PTK2B: variants seen among roughly 807,000 people sequenced by gnomAD.
PTK2B encodes the protein protein-tyrosine kinase 2-beta.
Under a neutral mutation model 142.9 loss-of-function variants are expected in PTK2B, and 71 were observed. The observed-to-expected ratio is 0.50, with a 90% CI of 0.41 to 0.61. The LOEUF (loss-of-function observed/expected upper bound fraction) is 0.61, where lower values mean the gene tolerates loss of function less well. PTK2B is among the 20% of genes least tolerant of loss of function. PTK2B has a pLI of 0.00. For synonymous variants in PTK2B, 519 were observed against 503.4 expected (o/e 1.03, Z -0.42); for missense variants, 1,105 against 1,320.4 (o/e 0.84, Z 2.53).
chr8:27,456,116 C>G (rs1049920700), intron 30 of PTK2B, among the ~76,000 whole-genome samples: 1 of 152,212 alleles, frequency 6.6e-6, no homozygotes, highest in Admixed American at 6.5e-5. Flanking sequence ...CCCATTCATT[C>G]ATTCATTCAT....
At chr8:27,454,418 T>C in intron 29 of PTK2B, 113 bp from the exon 30 acceptor site, 1 of 1,545,204 alleles carries the variant, frequency 6.5e-7, no homozygotes, top group Non-Finnish European at 8.9e-7. Context: ...GGGAATTGAG[T>C]CCCAGGCCAC....
At chr8:27,414,708 A>C (rs1315487551) in intron 2 of PTK2B, among the ~76,000 whole-genome samples, 1 of 148,228 alleles carries the variant, frequency 6.7e-6, no homozygotes, top group Non-Finnish European at 1.5e-5. Flanking sequence ...ATGATGAGAT[A>C]GGTTGGCTAG....
intron 2 of PTK2B, among the ~76,000 whole-genome samples, chr8:27,415,887 CTAAA>C (rs1189483312): frequency 1.3e-5 from 2 of 151,698 alleles, no homozygotes; most frequent in Non-Finnish European, 2.9e-5. Context: ...TAAAGAAGAC[CTAAA>C]TAAATAGAGA....
chr8:27,355,186 G>T (rs1287129009), intron 1 of PTK2B, among the ~76,000 whole-genome samples: 2 of 152,216 alleles, frequency 1.3e-5, no homozygotes, highest in African/African-American at 4.8e-5. Context: ...TTAAGTTAAG[G>T]ATAGTGGAAT....
chr8:27,450,905 C>A lies in PTK2B; in HGVS notation c.2487+10C>A. The A allele has an allele frequency of 6.2e-7, 1 of 1,614,080 alleles. No individual in the cohort carries two copies. The highest frequency in any genetic ancestry group is 8.5e-7 in the Non-Finnish European group (1 of 1,179,980). The stretch of plus-strand genomic sequence containing the variant: ...GGAGGAGAAGTCCCTGGTGAGCACC[C>A]CAGGAAGGATGTCGGTGCCCTGCAC... On this transcript the variant is annotated intron_variant, in intron 25 of 30. Transcript: ENST00000346049.
At chr8:27,391,080 C>CTT (rs34857478) in intron 1 of PTK2B, among the ~76,000 whole-genome samples, 1 of 142,536 alleles carries the variant, frequency 7.0e-6, no homozygotes, top group Non-Finnish European at 1.5e-5. Context: ...GGAACAGAAC[C>CTT]TTTTTTTTTT....
chr8:27,319,643 CAAAAAA>C (rs35156739), intron 3 of PTK2B, among the ~76,000 whole-genome samples: 7 of 89,232 alleles, frequency 7.8e-5, no homozygotes, highest in Non-Finnish European at 1.3e-4. Flanking sequence ...GACTCTGTCT[CAAAAAA>C]AAAAAAAAAA....
At chr8:27,426,282 T>G (rs1810078202) in intron 5 of PTK2B, among the ~76,000 whole-genome samples, 1 of 152,248 alleles carries the variant, frequency 6.6e-6, no homozygotes, top group Non-Finnish European at 1.5e-5. Flanking sequence ...TGTCCTTACC[T>G]GGGTATCAGT....
At chr8:27,411,060 C>G (rs1361225836) in intron 2 of PTK2B, among the ~76,000 whole-genome samples, 2 of 152,174 alleles carry the variant, frequency 1.3e-5, no homozygotes, top group Non-Finnish European at 2.9e-5. Flanking sequence ...ACCCAAATAG[C>G]AACTGATAAA....
At chr8:27,422,416 G>T (rs748803272) in intron 5 of PTK2B, 33 bp downstream of exon 5, 6 of 1,556,684 alleles carry the variant, frequency 3.9e-6, no homozygotes, top group South Asian at 1.2e-5. Context: ...CTGGGAGGGC[G>T]CTGTGCTGAG....
At chr8:27,380,985 T>C (rs1195375626) in intron 1 of PTK2B, among the ~76,000 whole-genome samples, 1 of 152,232 alleles carries the variant, frequency 6.6e-6, no homozygotes, top group Admixed American at 6.5e-5. Flanking sequence ...GCATGGTGAC[T>C]GTACCTAAGT....
Position 27,375,569 on chromosome 8 carries a change from A to G in PTK2B, c.-37-21979A>G, listed in dbSNP as rs150984772. ...GAGGAACATCCAGGTCCTAGAATCC[A>G]CCAGACCCTTCCAGTGTTAAATCCT... On this transcript the variant is annotated intron_variant, in intron 1 of 30. Transcript: ENST00000346049. Among the ~76,000 whole-genome samples the G allele has an allele frequency of 2.6e-3, 394 of 152,294 alleles. 2 individuals are homozygous for G. The highest frequency in any genetic ancestry group is 9.2e-3 in the African/African-American group (381 of 41,562).
chr8:27,412,161 G>A (rs1399718511), intron 2 of PTK2B, among the ~76,000 whole-genome samples: 1 of 151,644 alleles, frequency 6.6e-6, no homozygotes. Flanking sequence ...TACAGGCATC[G>A]TTGATTGATT....
At position 27,408,595 on chromosome 8, in the gene PTK2B, C is replaced by T. The variant is rs532338717; in HGVS notation, c.204+10807C>T. Among the ~76,000 whole-genome samples the T allele has an allele frequency of 1.8e-4, 28 of 152,326 alleles. No homozygotes were observed. The East Asian group carries it at 5.0e-3, about 27-fold the overall frequency. On this transcript the variant is annotated intron_variant, in intron 2 of 30. Coordinates refer to ENST00000346049, the MANE Select transcript of PTK2B (RefSeq NM_173176.3). Reference sequence around the variant, plus strand: ...GCCTTTTCTCCTTTAATCAATCTGCCTCATTTCAGTGATTTTTTTCAGTGA... The same window carrying T: ...GCCTTTTCTCCTTTAATCAATCTGCTTCATTTCAGTGATTTTTTTCAGTGA...
At chr8:27,430,599 C>T (rs1473343601) in intron 7 of PTK2B, among the ~76,000 whole-genome samples, 181 bp downstream of exon 7, 3 of 152,192 alleles carry the variant, frequency 2.0e-5, no homozygotes, top group Admixed American at 6.5e-5. Context: ...CCAACTGTTA[C>T]ATGCCTGGGC....
intron 1 of PTK2B, among the ~76,000 whole-genome samples, chr8:27,370,960 G>A (rs1381521021): frequency 6.6e-6 from 1 of 152,034 alleles, no homozygotes; most frequent in African/African-American, 2.4e-5. Flanking sequence ...CAGTGGTGCA[G>A]TCTCGGCTTA....
At chr8:27,375,675 T>C (rs1806623040) in intron 1 of PTK2B, among the ~76,000 whole-genome samples, 1 of 152,166 alleles carries the variant, frequency 6.6e-6, no homozygotes, top group Admixed American at 6.5e-5. Context: ...GTCTCCTGCC[T>C]CCGGGGGCCG....
intron 7 of PTK2B, among the ~76,000 whole-genome samples, chr8:27,430,627 G>T (rs564436817): frequency 6.6e-6 from 1 of 152,288 alleles, no homozygotes; most frequent in African/African-American, 2.4e-5. Context: ...CCGTATCGAG[G>T]CCGTATCAGC....
chr8:27,410,885 T>C (rs1809017147), intron 2 of PTK2B, among the ~76,000 whole-genome samples: 1 of 152,118 alleles, frequency 6.6e-6, no homozygotes, highest in South Asian at 2.1e-4. Context: ...ACTAAATCAG[T>C]GTTAGCCAAG....
Sources: allele counts gnomAD v4.1 joint callset (sites outside exome capture counted in the v4.1 genomes callset), GRCh38; gene constraint gnomAD v4.1.1; transcripts MANE v1.5; gene names NCBI Gene and HGNC (gene_info 2026-07-23, HGNC 2026-07-21).